The following GRIN1 variants were observed in gnomAD, a reference collection of about 807,000 sequenced individuals.
GRIN1 encodes the protein glutamate receptor ionotropic, NMDA 1.
Under a neutral mutation model 103.0 loss-of-function variants are expected in GRIN1, and 38 were observed. The observed-to-expected ratio is 0.37, with a 90% CI of 0.28 to 0.48. The LOEUF is 0.48. Ranked by LOEUF, GRIN1 falls within the 20% of genes least tolerant of loss-of-function variation. GRIN1 has a pLI of 0.98. For synonymous variants in GRIN1, 544 were observed against 532.7 expected (o/e 1.02, Z -0.29); for missense variants, 577 against 1,288.9 (o/e 0.45, Z 8.46).
chr9:137,152,853 T>A (rs1229578733), intron 4 of GRIN1, among the ~76,000 whole-genome samples: 1 of 151,860 alleles, frequency 6.6e-6, no homozygotes, highest in Non-Finnish European at 1.5e-5. Context: ...ACACCATGCA[T>A]ACATCTCTAC....
Position 137,161,272 on chromosome 9 carries a change from C to T in GRIN1, c.1340-17C>T, listed in dbSNP as rs555815195. Reference sequence around the variant, plus strand: ...GGGCGGTCTGGAGCCCAGCAGTTACCGCCCGCACCTACCCAGCCCGCCACA... The same window carrying T: ...GGGCGGTCTGGAGCCCAGCAGTTACTGCCCGCACCTACCCAGCCCGCCACA... On this transcript the variant is annotated splice_polypyrimidine_tract_variant and intron_variant, in intron 9 of 19. Transcript: ENST00000371561. 28 of 1,611,778 alleles carry T rather than the reference C, an allele frequency of 1.7e-5. No individual in the cohort carries two copies. The highest frequency in any genetic ancestry group is 2.0e-5 in the Non-Finnish European group (24 of 1,179,468).
intron 4 of GRIN1, among the ~76,000 whole-genome samples, chr9:137,153,966 C>T (rs1185653436): frequency 6.6e-6 from 1 of 152,092 alleles, no homozygotes; most frequent in East Asian, 1.9e-4. Context: ...TGTGTGCCAC[C>T]ATGCCCGGCT....
chr9:137,161,262 C>T (rs372877181), intron 9 of GRIN1, 27 bp from the exon 10 acceptor site: 1 of 1,611,452 alleles, frequency 6.2e-7, no homozygotes, highest in African/African-American at 1.3e-5. Context: ...GTCTGGAGCC[C>T]AGCAGTTACC....
chr9:137,140,292 G>C (rs551693293), intron 1 of GRIN1, among the ~76,000 whole-genome samples: 8 of 152,306 alleles, frequency 5.3e-5, no homozygotes, highest in African/African-American at 1.9e-4. Context: ...GGGAGCTGTC[G>C]GCAGCCAGCG....
In GRIN1 at chr9:137,163,272, G is replaced by C; in HGVS notation, c.2275G>C (p.Gly759Arg). The C allele has an allele frequency of 6.2e-7, 1 of 1,613,786 alleles. No individual in the cohort carries two copies. The highest frequency in any genetic ancestry group is 8.5e-7 in the Non-Finnish European group (1 of 1,179,960). ...AGAGCTGTTTTTCCGCTCGGGCTTCGGCATAGGCATGCGCAAAGACAGCCC... is the reference window on the plus strand; with the variant it reads ...AGAGCTGTTTTTCCGCTCGGGCTTCCGCATAGGCATGCGCAAAGACAGCCC... ...TGELFFRSGF[G>R]IGMRKDSPWK... Residue 759 changes from glycine (G) to arginine (R), a missense_variant, in exon 16 of 20, where the codon GGC becomes CGC. Gly to Arg is a moderately radical substitution (Grantham distance 125). Coordinates refer to ENST00000371561, the MANE Select transcript of GRIN1 (RefSeq NM_007327.4).
rs1347697507 is a variant in GRIN1, at chr9:137,156,852, T to A, written c.794-11T>A. 2.4e-5 allele frequency: 39 copies of A among 1,610,208 alleles called. No homozygotes were observed. The highest frequency in any genetic ancestry group is 8.0e-5 in the African/African-American group (6 of 74,882). ...AGGACCCCACGGGCTCTGAGTCGCATGCTCGCCTAGGCATCCTCGGGCTGC... is the reference window on the plus strand; with the variant it reads ...AGGACCCCACGGGCTCTGAGTCGCAAGCTCGCCTAGGCATCCTCGGGCTGC... On this transcript the variant is annotated splice_polypyrimidine_tract_variant and intron_variant, in intron 5 of 19. Coordinates refer to ENST00000371561, the MANE Select transcript of GRIN1 (RefSeq NM_007327.4).
intron 4 of GRIN1, among the ~76,000 whole-genome samples, chr9:137,154,250 G>A (rs1410572758): frequency 9.4e-5 from 14 of 149,064 alleles, no homozygotes; most frequent in Non-Finnish European, 1.6e-4. Context: ...TCAGCCTCCC[G>A]AGTAGCTGGA....
At chr9:137,148,756 T>C (rs1832682065) in intron 3 of GRIN1, among the ~76,000 whole-genome samples, 1 of 151,952 alleles carries the variant, frequency 6.6e-6, no homozygotes, top group African/African-American at 2.4e-5. Flanking sequence ...GAGAGAGAGA[T>C]CCAGAGAGAG....
rs1007695595 is a variant in GRIN1 at position 137,139,975 on chromosome 9, A to G, written c.258+231A>G. 2.3e-4 allele frequency among the ~76,000 whole-genome samples: 35 copies of G among 152,218 alleles called. No homozygotes were observed. Among genetic ancestry groups the G allele is most frequent in the Non-Finnish European group, 4.4e-4 (30 of 68,020 alleles). On this transcript the variant is annotated intron_variant, in intron 1 of 19. Coordinates refer to ENST00000371561, the MANE Select transcript of GRIN1 (RefSeq NM_007327.4). The surrounding 1 kb of genome is among the most constrained non-coding windows in gnomAD (Gnocchi z 7.7). ...ACCTGCCACCTTGGCTGGTCCTCAG[A>G]GGGCCCCTGGGGCTCCAGGCCCTGA...
intron 6 of GRIN1, 84 bp downstream of exon 6, chr9:137,157,121 TG>T (rs1833276376): frequency 5.8e-6 from 1 of 173,846 alleles, no homozygotes; most frequent in Admixed American, 1.7e-4. Context: ...GGGCCGCTCT[TG>T]GGGAGGTGGG....
At chr9:137,152,762 C>G (rs1468116213) in intron 4 of GRIN1, among the ~76,000 whole-genome samples, 1 of 152,118 alleles carries the variant, frequency 6.6e-6, no homozygotes, top group East Asian at 1.9e-4. Context: ...CACATCCATG[C>G]CCATGAGCAC....
Position 137,142,105 on chromosome 9 carries a change from C to A in GRIN1, c.351C>A (p.Pro117=), listed in dbSNP as rs772616726. The change falls in exon 2 of 20, where the codon CCC becomes CCA. Residue 117 remains proline, a synonymous_variant. Coordinates refer to ENST00000371561, the MANE Select transcript of GRIN1 (RefSeq NM_007327.4). Reference sequence around the variant, plus strand: ...ACACAGCCGGCTTCTACCGCATACCCGTGCTGGGGCTGACCACCCGCATGT... The same window carrying A: ...ACACAGCCGGCTTCTACCGCATACCAGTGCTGGGGCTGACCACCCGCATGT... ...VSYTAGFYRI[P]VLGLTTRMSI... The A allele has an allele frequency of 7.4e-6, 12 of 1,614,096 alleles. No individual in the cohort carries two copies. The East Asian group carries it at 2.4e-4, about 33-fold the overall frequency.
chr9:137,168,671 C>T lies in GRIN1; in HGVS notation c.*1144C>T, dbSNP rs1284437828. 10 of 420,732 alleles carry T rather than the reference C, an allele frequency of 2.4e-5. No individual in the cohort carries two copies. Among genetic ancestry groups the T allele is most frequent in the Non-Finnish European group, 1.9e-5 (5 of 260,898 alleles). 26.1% of individuals were successfully genotyped at this position (420,732 alleles called of 1,614,324 possible). ...CGGCCCGTGCGCAGCCGCGCTCTGC[C>T]CCTCCGTCCCCAGGGTGCAGGCGCG... On this transcript the variant is annotated 3_prime_UTR_variant, in exon 20 of 20. Transcript: ENST00000371561.
chr9:137,161,468 G>A (rs1204419203), intron 10 of GRIN1, 52 bp downstream of exon 10: 1 of 1,556,658 alleles, frequency 6.4e-7, no homozygotes, highest in South Asian at 1.1e-5. Context: ...CTGCAGGCGC[G>A]GTCGGAGTGG....
intron 11 of GRIN1, 28 bp downstream of exon 11, chr9:137,162,116 C>CGGG: frequency 1.2e-5 from 5 of 419,686 alleles, no homozygotes; most frequent in Non-Finnish European, 1.8e-5. Flanking sequence ...GGCGGGGTGG[C>CGGG]GGCGGGGGGA....
chr9:137,147,675 C>A (rs1422654992), intron 3 of GRIN1, among the ~76,000 whole-genome samples: 1 of 152,212 alleles, frequency 6.6e-6, no homozygotes, highest in Non-Finnish European at 1.5e-5. Flanking sequence ...GCGTGGGCAC[C>A]CCAGTTAGTG....
intron 19 of GRIN1, among the ~76,000 whole-genome samples, chr9:137,167,197 C>T (rs1833928249): frequency 1.3e-5 from 2 of 152,068 alleles, no homozygotes; most frequent in African/African-American, 4.8e-5. Context: ...GGGAGGGCAG[C>T]CCAGCTCCCA....
intron 3 of GRIN1, among the ~76,000 whole-genome samples, chr9:137,147,951 G>A (rs1255650469): frequency 6.6e-6 from 1 of 152,156 alleles, no homozygotes. Context: ...GAGCCTCCAC[G>A]GCCCCGCCCC....
At chr9:137,144,204 T>C (rs1832329958) in intron 2 of GRIN1, among the ~76,000 whole-genome samples, 2 of 151,904 alleles carry the variant, frequency 1.3e-5, no homozygotes, top group African/African-American at 4.8e-5. Context: ...CCACGTCCCT[T>C]AGGGTGCTAT....
Sources: gnomAD v4.1 joint callset for allele counts (sites outside exome capture counted in the v4.1 genomes callset) on GRCh38, gnomAD v4.1.1 for gene constraint, Gnocchi (gnomAD v3.1) non-coding constraint, MANE v1.5 for transcripts, NCBI Gene and HGNC (gene_info 2026-07-23, HGNC 2026-07-21) for gene names.